The following PHF21B variants were observed in gnomAD, a reference collection of about 807,000 sequenced individuals.
PHF21B encodes PHD finger protein 21B, also known as PHD finger protein 4.
In PHF21B, 22 loss-of-function variants were observed where a neutral mutation model predicts 62.2. The observed-to-expected ratio is 0.35, with a 90% CI of 0.25 to 0.51. The LOEUF (loss-of-function observed/expected upper bound fraction) is 0.51. Ranked by LOEUF, PHF21B falls within the 20% of genes least tolerant of loss-of-function variation. The pLI, the probability that PHF21B is intolerant of heterozygous loss-of-function variation, is 0.97. For missense variants in PHF21B, 701 were observed against 707.9 expected (o/e 0.99, Z 0.11); for synonymous variants, 341 against 314.7 (o/e 1.08, Z -0.88).
intron 2 of PHF21B, among the ~76,000 whole-genome samples, chr22:44,923,394 C>A (rs947902684): frequency 1.0e-4 from 15 of 147,728 alleles, no homozygotes; most frequent in African/African-American, 3.5e-4. Flanking sequence ...AACTATAAAA[C>A]TGCTCGAACA....
At chr22:44,956,508 A>G (rs2072300259) in intron 2 of PHF21B, among the ~76,000 whole-genome samples, 1 of 152,232 alleles carries the variant, frequency 6.6e-6, no homozygotes. Flanking sequence ...TAATTTACTC[A>G]TTGCAGGTGG....
rs1362121805 is a variant in PHF21B at position 44,881,812 on chromosome 22, G to A, written c.*1274C>T. The A allele has an allele frequency of 1.3e-5, 2 of 152,700 alleles. No individual in the cohort carries two copies. Among genetic ancestry groups the A allele is most frequent in the Admixed American group, 6.5e-5 (1 of 15,290 alleles). 9.5% of individuals were successfully genotyped at this position (152,700 alleles called of 1,614,324 possible). A position where few individuals can be genotyped will look rare whatever the true frequency, so the allele number is the denominator to read the frequency against. Reference sequence around the variant, plus strand: ...CTGAGTCCCTCAGGACTGGGATGTGGGAATCGGGCAAGGGTGACAAGCTGC... The same window carrying A: ...CTGAGTCCCTCAGGACTGGGATGTGAGAATCGGGCAAGGGTGACAAGCTGC... On this transcript the variant is annotated 3_prime_UTR_variant, in exon 13 of 13. Transcript: ENST00000313237.
At chr22:44,938,479 TGCCTTG>T (rs541579453) in intron 2 of PHF21B, among the ~76,000 whole-genome samples, 2 of 152,344 alleles carry the variant, frequency 1.3e-5, no homozygotes, top group South Asian at 4.1e-4. Flanking sequence ...GTGGTCCGCC[TGCCTTG>T]GCCTCCCAAA....
At chr22:44,948,249 T>C (rs1164973197) in intron 2 of PHF21B, among the ~76,000 whole-genome samples, 1 of 152,318 alleles carries the variant, frequency 6.6e-6, no homozygotes, top group East Asian at 1.9e-4. Flanking sequence ...TAACATAGCA[T>C]AAGTGGGAAA....
At chr22:44,927,864 G>C (rs918400567) in intron 2 of PHF21B, among the ~76,000 whole-genome samples, 1 of 152,088 alleles carries the variant, frequency 6.6e-6, no homozygotes, top group African/African-American at 2.4e-5. Flanking sequence ...TTGTGACTAC[G>C]TTTACAGCTC....
chr22:45,008,772 A>G (rs2073373392), intron 1 of PHF21B, 162 bp from the exon 2 acceptor site: 1 of 1,151,532 alleles, frequency 8.7e-7, no homozygotes, highest in East Asian at 4.2e-5. Context: ...GCGGCCGGGC[A>G]GTGCCGCGCG....
intron 5 of PHF21B, among the ~76,000 whole-genome samples, chr22:44,911,331 T>C (rs1164609991): frequency 6.6e-6 from 1 of 152,202 alleles, no homozygotes; most frequent in Non-Finnish European, 1.5e-5. Context: ...GAGTTACTTA[T>C]GTTAATCACC....
chr22:44,895,949 A>C, intron 6 of PHF21B, 83 bp downstream of exon 6: 1 of 1,464,894 alleles, frequency 6.8e-7, no homozygotes, highest in Non-Finnish European at 9.6e-7. Context: ...AGCCCAGACC[A>C]CCCATCATCA....
chr22:44,959,424 C>T (rs1482563955), intron 2 of PHF21B, among the ~76,000 whole-genome samples: 1 of 152,196 alleles, frequency 6.6e-6, no homozygotes, highest in African/African-American at 2.4e-5. Flanking sequence ...GTCCTTCCTC[C>T]TCCTTTCTAA....
chr22:45,002,501 T>A (rs1167583325), intron 2 of PHF21B, among the ~76,000 whole-genome samples: 2 of 152,184 alleles, frequency 1.3e-5, no homozygotes, highest in East Asian at 3.9e-4. Flanking sequence ...ACAGCCTGGT[T>A]TATGTACTGG....
At position 44,896,039 on chromosome 22, in the gene PHF21B, A is replaced by G. The variant is rs2071051241; in HGVS notation, c.876T>C (p.His292=). 6.2e-7 allele frequency: 1 copy of G among 1,613,962 alleles called. No individual in the cohort carries two copies. Among genetic ancestry groups the G allele is most frequent in the Non-Finnish European group, 8.5e-7 (1 of 1,180,010 alleles). Residue 292 remains histidine, a synonymous_variant, in exon 6 of 13, where the codon CAT becomes CAC. Coordinates refer to ENST00000313237, the MANE Select transcript of PHF21B (RefSeq NM_138415.5). ...MVALGLVTTE[H]LEEIQSKRQE... is the part of the protein sequence containing the mutation. The stretch of plus-strand genomic sequence containing the variant: ...ACCTGGATCCTTCCTTACCTTCCAA[A>G]TGTTCCGTGGTAACCAGGCCTAGCG...
chr22:44,920,817 G>C (rs1254876186), intron 2 of PHF21B, among the ~76,000 whole-genome samples: 3 of 152,214 alleles, frequency 2.0e-5, no homozygotes, highest in Non-Finnish European at 2.9e-5. Context: ...GACAAGGTGT[G>C]ATGTCGCTAC....
chr22:44,888,202 A>G, intron 9 of PHF21B, 81 bp from the exon 10 acceptor site: 8 of 1,370,808 alleles, frequency 5.8e-6, no homozygotes, highest in Non-Finnish European at 7.7e-6. Context: ...AGGCCCAGGC[A>G]GCTGTGTCTG....
rs756697869 is a variant in PHF21B at position 45,005,225 on chromosome 22, A to G, written c.120+3320T>C. On this transcript the variant is annotated intron_variant, in intron 2 of 12. Coordinates refer to ENST00000313237, the MANE Select transcript of PHF21B (RefSeq NM_138415.5). The stretch of plus-strand genomic sequence containing the variant: ...GCAGCTAATGGAGTCTTCACACATC[A>G]TATCTTGTTAAAGAAGAGGGCCCTC... 1.2e-3 allele frequency among the ~76,000 whole-genome samples: 183 copies of G among 152,336 alleles called. 1 individual carries two copies. The highest frequency in any genetic ancestry group is 1.2e-3 in the Non-Finnish European group (83 of 68,034).
chr22:44,941,499 G>A (rs995349755), intron 2 of PHF21B, among the ~76,000 whole-genome samples: 1 of 152,214 alleles, frequency 6.6e-6, no homozygotes. Flanking sequence ...AGTAACAGCG[G>A]CGGAGGAGGT....
chr22:44,889,617 G>A (rs1487290201), intron 9 of PHF21B, 143 bp downstream of exon 9: 9 of 1,016,920 alleles, frequency 8.9e-6, no homozygotes, highest in East Asian at 3.0e-5. Context: ...GTTGCACAAA[G>A]CTCTTAGCAC....
At chr22:44,931,650 G>GGA (rs368484017) in intron 2 of PHF21B, among the ~76,000 whole-genome samples, 16 of 150,018 alleles carry the variant, frequency 1.1e-4, no homozygotes, top group African/African-American at 3.7e-4. Context: ...TGGGGGGGGG[G>GGA]TGTCAAAAAA....
intron 10 of PHF21B, among the ~76,000 whole-genome samples, chr22:44,887,189 G>A (rs1262119574): frequency 2.0e-5 from 3 of 150,400 alleles, no homozygotes; most frequent in African/African-American, 7.4e-5. Flanking sequence ...AGAAAGAAAG[G>A]TAACTCCCTA....
chr22:44,935,481 G>A (rs1402944095), intron 2 of PHF21B, among the ~76,000 whole-genome samples: 1 of 152,156 alleles, frequency 6.6e-6, no homozygotes, highest in African/African-American at 2.4e-5. Context: ...GGGCGTGGTG[G>A]CGGGCGCCTG....
Sources: allele counts gnomAD v4.1 joint callset (sites outside exome capture counted in the v4.1 genomes callset), GRCh38; gene constraint gnomAD v4.1.1; transcripts MANE v1.5; gene names NCBI Gene and HGNC (gene_info 2026-07-23, HGNC 2026-07-21).